LRCH2: variants seen among roughly 807,000 people sequenced by gnomAD.
LRCH2 encodes the protein leucine rich repeats and calponin homology domain containing 2.
LRCH2 carries 38 observed loss-of-function variants against 68.9 expected under a neutral mutation model. That is an observed-to-expected ratio of 0.55 (90% CI 0.43 to 0.72). LRCH2 has a LOEUF of 0.72. LRCH2 is among the 30% of genes least tolerant of loss of function. LRCH2 has a pLI of 0.00. For missense variants in LRCH2, 528 were observed against 572.9 expected, an observed-to-expected ratio of 0.92 and a Z score of 0.80; for synonymous variants, 191 against 208.1, an observed-to-expected ratio of 0.92 and a Z score of 0.71.
chrX:115,141,946 T>C (rs782666512), intron 14 of LRCH2, among the ~76,000 whole-genome samples: 1 of 103,560 alleles, frequency 9.7e-6, no homozygotes, highest in East Asian at 3.0e-4. Context: ...AAGATACACA[T>C]AGACTGAGAA....
At chrX:115,166,454 G>T (rs2072560732) in intron 6 of LRCH2, 112 bp from the exon 7 acceptor site, 2 of 471,414 alleles carry the variant, frequency 4.2e-6, no homozygotes, top group Admixed American at 8.1e-5. Context: ...TGATGTCTAA[G>T]ATCCTTAATT....
intron 14 of LRCH2, among the ~76,000 whole-genome samples, chrX:115,131,554 T>C (rs1359157427): frequency 1.8e-5 from 2 of 111,797 alleles, no homozygotes; most frequent in South Asian, 7.5e-4. Flanking sequence ...TGAATAGTGC[T>C]GCAATAAACA....
At chrX:115,196,008 T>C (rs782539711) in intron 1 of LRCH2, among the ~76,000 whole-genome samples, 32 of 111,636 alleles carry the variant, frequency 2.9e-4, no homozygotes, top group African/African-American at 9.4e-4. Flanking sequence ...GTCTTGGCCA[T>C]TGGGGAAGAT....
chrX:115,179,603 G>A, intron 4 of LRCH2, 40 bp from the exon 5 acceptor site: 1 of 1,093,493 alleles, frequency 9.1e-7, no homozygotes. Context: ...ATTTTACATA[G>A]TTACTCTCTT....
chrX:115,165,531 T>C (rs1556544270), intron 9 of LRCH2, 27 bp downstream of exon 9: 5 of 1,086,125 alleles, frequency 4.6e-6, no homozygotes, highest in Non-Finnish European at 6.2e-6. Context: ...GAACATGTTA[T>C]TAATATTTGT....
intron 14 of LRCH2, among the ~76,000 whole-genome samples, chrX:115,139,591 AC>A (rs1419941983): frequency 9.0e-6 from 1 of 111,464 alleles, no homozygotes; most frequent in Non-Finnish European, 1.9e-5. Context: ...ACCAGCCTAG[AC>A]AATATGGTGA....
chrX:115,192,430 G>A (rs782564395), intron 1 of LRCH2: 5 of 1,166,220 alleles, frequency 4.3e-6, no homozygotes, highest in South Asian at 1.9e-5. Context: ...CTACAGCGGC[G>A]ACCACGACAG....
intron 1 of LRCH2, chrX:115,189,506 A>G: frequency 6.8e-6 from 8 of 1,181,534 alleles, no homozygotes; most frequent in Non-Finnish European, 9.1e-6. Flanking sequence ...ACCGACGAGA[A>G]AGCCCTCAAA....
chrX:115,168,108 G>C (rs2072578128), intron 6 of LRCH2, among the ~76,000 whole-genome samples: 1 of 111,328 alleles, frequency 9.0e-6, no homozygotes, highest in Admixed American at 9.6e-5. Context: ...GTCATAAAAG[G>C]GCTTCAAAGC....
Position 115,189,994 on chromosome X carries a change from G to T in LRCH2, c.350-1624C>A, listed in dbSNP as rs782209963. 2.6e-6 allele frequency: 3 copies of T among 1,163,560 alleles called. No individual in the cohort carries two copies. The South Asian group carries it at 5.7e-5, about 22-fold the overall frequency. ...TGGAATGCGCGGGAAGGCACCGACT[G>T]TGTCGGGGCAAGATGGCTACTCAGG... On this transcript the variant is annotated intron_variant, in intron 1 of 20. Transcript: ENST00000317135.
chrX:115,197,755 T>TTC (rs782244834), intron 1 of LRCH2, among the ~76,000 whole-genome samples: 37 of 61,934 alleles, frequency 6.0e-4, no homozygotes, highest in South Asian at 1.5e-3. Context: ...CTCTCTCTCT[T>TTC]TCTCTCTCTC....
At chrX:115,233,669 C>A in intron 1 of LRCH2, 24 bp downstream of exon 1, 1 of 1,116,108 alleles carries the variant, frequency 9.0e-7, no homozygotes, top group African/African-American at 1.8e-5. Flanking sequence ...TCACAGCCAG[C>A]TTCCCCTCCC....
In LRCH2 at chrX:115,129,004, G is replaced by A. The variant is rs1362357102; in HGVS notation, c.1740+1151C>T. On this transcript the variant is annotated intron_variant, in intron 15 of 20. Transcript: ENST00000317135. Reference sequence around the variant, plus strand: ...ACTACACAAACTGTCGGATATTAGCGAAAAAGTGGGTTTAGAAGCAAAAAC... The same window carrying A: ...ACTACACAAACTGTCGGATATTAGCAAAAAAGTGGGTTTAGAAGCAAAAAC... Among the ~76,000 whole-genome samples the A allele has an allele frequency of 3.6e-5, 4 of 112,010 alleles. No homozygotes were observed. In the Admixed American group the frequency reaches 3.8e-4, roughly 11 times the overall value.
intron 1 of LRCH2, among the ~76,000 whole-genome samples, chrX:115,222,155 A>G (rs1414344674): frequency 9.0e-6 from 1 of 111,483 alleles, no homozygotes; most frequent in Non-Finnish European, 1.9e-5. Flanking sequence ...GACAAAAACC[A>G]TATGATTAAC....
intron 16 of LRCH2, among the ~76,000 whole-genome samples, chrX:115,125,854 T>C (rs1556527882): frequency 9.3e-6 from 1 of 107,598 alleles, no homozygotes; most frequent in Non-Finnish European, 1.9e-5. Flanking sequence ...TATCCTAATT[T>C]AAATTGTTTT....
intron 1 of LRCH2, among the ~76,000 whole-genome samples, chrX:115,207,308 G>A (rs2072975579): frequency 9.0e-6 from 1 of 111,364 alleles, no homozygotes; most frequent in African/African-American, 3.3e-5. Context: ...GGAGGCCCAG[G>A]TGGGAGGATC....
chrX:115,177,066 TTTTTTTTA>T (rs1556550806), intron 5 of LRCH2, among the ~76,000 whole-genome samples: 1 of 85,288 alleles, frequency 1.2e-5, no homozygotes. Context: ...TTTTTTTTTT[TTTTTTTTA>T]AAGACAGAGT....
At chrX:115,153,401 T>C (rs1284841153) in intron 12 of LRCH2, among the ~76,000 whole-genome samples, 1 of 110,846 alleles carries the variant, frequency 9.0e-6, no homozygotes, top group African/African-American at 3.3e-5. Flanking sequence ...AGTAGTAAAA[T>C]TATGTTAAAA....
At chrX:115,113,971 T>G (rs1178991619) in intron 20 of LRCH2, among the ~76,000 whole-genome samples, 2 of 111,096 alleles carry the variant, frequency 1.8e-5, no homozygotes, top group African/African-American at 3.3e-5. Flanking sequence ...GGTATTCTCA[T>G]CTATTTCTAG....
Sources: allele counts gnomAD v4.1 joint callset (sites outside exome capture counted in the v4.1 genomes callset), GRCh38; gene constraint gnomAD v4.1.1; transcripts MANE v1.5; gene names NCBI Gene and HGNC (gene_info 2026-07-23, HGNC 2026-07-21).